TAF15: variants seen among roughly 807,000 people sequenced by gnomAD.
TAF15 encodes the protein TATA-box binding protein associated factor 15.
A neutral mutation model predicts 102.5 loss-of-function variants in TAF15; 37 were observed. The ratio of observed to expected loss-of-function variants is 0.36; its 90% CI spans 0.28 to 0.47. The LOEUF (loss-of-function observed/expected upper bound fraction) is 0.47, where lower values mean the gene tolerates loss of function less well. Ranked by LOEUF, TAF15 falls within the 20% of genes least tolerant of loss-of-function variation. TAF15 has a pLI of 0.99. For synonymous variants in TAF15, 273 were observed against 259.2 expected (o/e 1.05, Z -0.51); for missense variants, 652 against 760.7 (o/e 0.86, Z 1.68).
intron 9 of TAF15, 139 bp downstream of exon 9, chr17:35,834,737 TTTC>T: frequency 3.0e-5 from 17 of 566,436 alleles, no homozygotes; most frequent in Admixed American, 6.8e-5. Flanking sequence ...GGGAGCTTTA[TTTC>T]TTTTTTTTTT....
intron 1 of TAF15, chr17:35,817,437 G>A: frequency 2.4e-6 from 1 of 422,190 alleles, no homozygotes; most frequent in South Asian, 2.8e-5. Flanking sequence ...TTAAGGTCTT[G>A]AGTCTGTTTA....
intron 1 of TAF15, among the ~76,000 whole-genome samples, chr17:35,814,235 G>A (rs965602740): frequency 3.9e-4 from 59 of 151,454 alleles, no homozygotes; most frequent in African/African-American, 1.3e-3. Flanking sequence ...GCGCAATCTC[G>A]GCTCACTGCA....
At chr17:35,836,401 A>T (rs2087475592) in intron 10 of TAF15, among the ~76,000 whole-genome samples, 160 bp downstream of exon 10, 1 of 152,184 alleles carries the variant, frequency 6.6e-6, no homozygotes, top group South Asian at 2.1e-4. Flanking sequence ...AATTTGTTGA[A>T]TATATGAAGA....
chr17:35,843,977 C>G, intron 12 of TAF15, 100 bp from the exon 13 acceptor site: 1 of 1,036,326 alleles, frequency 9.6e-7, no homozygotes, highest in South Asian at 1.3e-5. Context: ...AGAGTGCTGC[C>G]TAAGTATTGA....
chr17:35,812,214 A>G (rs11868785), intron 1 of TAF15, among the ~76,000 whole-genome samples: 24,535 of 152,234 alleles, frequency 0.16, 2,221 homozygotes, highest in East Asian at 0.35. Flanking sequence ...TGACAAGGTA[A>G]CATGGACGTT....
chr17:35,826,115 C>A (rs879301929), intron 7 of TAF15, among the ~76,000 whole-genome samples: 1 of 152,168 alleles, frequency 6.6e-6, no homozygotes, highest in South Asian at 2.1e-4. Context: ...TTGCAACATA[C>A]TTCATATAAT....
chr17:35,831,134 G>A (rs2087399762), intron 7 of TAF15, among the ~76,000 whole-genome samples: 1 of 152,174 alleles, frequency 6.6e-6, no homozygotes, highest in Non-Finnish European at 1.5e-5. Context: ...CGGGCGCAGT[G>A]ACTCATGCCT....
Position 35,845,157 on chromosome 17 carries a change from T to C in TAF15, c.1739+119T>C, listed in dbSNP as rs920637700. 14 of 1,279,576 alleles carry C rather than the reference T, an allele frequency of 1.1e-5. No homozygotes were observed. The African/African-American group carries it at 2.1e-4, about 19-fold the overall frequency. 79.3% of individuals were successfully genotyped at this position (1,279,576 alleles called of 1,614,324 possible). A position where few individuals can be genotyped will look rare whatever the true frequency, so the allele number is the denominator to read the frequency against. Reference sequence around the variant, plus strand: ...TTTCCCATTGCCAGTTCTCTCAGGATGGAGAAGATGATTTAGTTTCCTGCT... The same window carrying C: ...TTTCCCATTGCCAGTTCTCTCAGGACGGAGAAGATGATTTAGTTTCCTGCT... On this transcript the variant is annotated intron_variant, in intron 15 of 15. Coordinates refer to ENST00000605844, the MANE Select transcript of TAF15 (RefSeq NM_139215.3).
intron 1 of TAF15, among the ~76,000 whole-genome samples, chr17:35,812,363 G>A (rs892200797): frequency 7.2e-5 from 11 of 152,040 alleles, no homozygotes; most frequent in African/African-American, 2.4e-4. Context: ...TTGGGAGGCC[G>A]AGGCGGGTGG....
chr17:35,827,352 A>AT (rs1568260256), intron 7 of TAF15, among the ~76,000 whole-genome samples: 1 of 151,340 alleles, frequency 6.6e-6, no homozygotes, highest in Non-Finnish European at 1.5e-5. Flanking sequence ...AAAAAAAAAA[A>AT]TAGTTCTTTT....
intron 5 of TAF15, among the ~76,000 whole-genome samples, chr17:35,822,149 C>T (rs181374224): frequency 6.6e-6 from 1 of 151,996 alleles, no homozygotes; most frequent in Middle Eastern, 3.4e-3. Context: ...AAAGACCAGC[C>T]TGACCAACAT....
intron 15 of TAF15, 27 bp downstream of exon 15, chr17:35,845,065 C>CT (rs773606225): frequency 1.9e-6 from 3 of 1,613,108 alleles, no homozygotes; most frequent in Non-Finnish European, 2.5e-6. Context: ...GTTTATTAAC[C>CT]TTTTTACCTC....
Position 35,846,673 on chromosome 17 carries a change from T to C in TAF15, c.1740-233T>C, listed in dbSNP as rs551564391. Among the ~76,000 whole-genome samples the C allele has an allele frequency of 3.3e-5, 5 of 152,294 alleles. No homozygotes were observed. The South Asian group carries it at 1.0e-3, about 32-fold the overall frequency. ...AATATTTGTGGTTTGGAGTTTTAAG[T>C]GGAAAATTTTTAAGAGAGTGAAGCA... is the stretch of plus-strand genomic sequence containing the variant. On this transcript the variant is annotated intron_variant, in intron 15 of 15. Transcript: ENST00000605844.
Position 35,809,490 on chromosome 17 carries a change from G to T in TAF15, c.-80G>T. 1.3e-6 allele frequency: 2 copies of T among 1,597,786 alleles called. No homozygotes were observed. Among genetic ancestry groups the T allele is most frequent in the Non-Finnish European group, 1.7e-6 (2 of 1,171,376 alleles). On this transcript the variant is annotated 5_prime_UTR_variant, in exon 1 of 16. Coordinates refer to ENST00000605844, the MANE Select transcript of TAF15 (RefSeq NM_139215.3). Reference sequence around the variant, plus strand: ...AGCCCGCCGCGCCGCCCTCAGTACAGCTCCGGCCGCCGCGCCGCCTGGCTT... The same window carrying T: ...AGCCCGCCGCGCCGCCCTCAGTACATCTCCGGCCGCCGCGCCGCCTGGCTT...
chr17:35,838,875 A>G lies in TAF15; in HGVS notation c.913+322A>G, dbSNP rs1002813566. Among the ~76,000 whole-genome samples the G allele has an allele frequency of 3.9e-5, 6 of 152,206 alleles. No homozygotes were observed. The East Asian group carries it at 9.6e-4, about 24-fold the overall frequency. ...AGAGATGGCATTTTGTTACATGGAT[A>G]TATTGCATAGTGGTAAAGTCTGGGG... On this transcript the variant is annotated intron_variant, in intron 11 of 15. Coordinates refer to ENST00000605844, the MANE Select transcript of TAF15 (RefSeq NM_139215.3).
In TAF15 at chr17:35,844,513, A is replaced by G. The variant is rs1568282291; in HGVS notation, c.1214A>G (p.Tyr405Cys). 5 of 1,611,692 alleles carry G rather than the reference A, an allele frequency of 3.1e-6. No individual in the cohort carries two copies. Among genetic ancestry groups the G allele is most frequent in the African/African-American group, 1.3e-5 (1 of 74,790 alleles). ...AGAGGCTACGGTGGAGAGAGGGGCT[A>G]CAGAGGTCGTGGGGGCAGAGGTGGA... is the stretch of plus-strand genomic sequence containing the variant. Reference protein sequence around the residue: ...RGRGYGGERGYRGRGGRGGDR... With the variant: ...RGRGYGGERGCRGRGGRGGDR... Residue 405 changes from tyrosine (Y) to cysteine (C), a missense_variant, in exon 15 of 16, where the codon TAC becomes TGC. Physicochemically the swap from Tyr to Cys is radical, Grantham distance 194. This residue lies in a region of TAF15 where 368 missense variants were observed against 367.5 expected (regional missense o/e 1.00). Coordinates refer to ENST00000605844, the MANE Select transcript of TAF15 (RefSeq NM_139215.3).
rs1348364823 is a variant in TAF15 at position 35,844,662 on chromosome 17, T to A, written c.1363T>A (p.Tyr455Asn). Residue 455 changes from tyrosine to asparagine, a missense_variant, in exon 15 of 16, where the codon TAT becomes AAT. Tyr to Asn is a moderately radical substitution (Grantham distance 143). Coordinates refer to ENST00000605844, the MANE Select transcript of TAF15 (RefSeq NM_139215.3). ...TGGTGGAGACAGAAGTGGGGGTGGC[T>A]ATGGTGGGGACAGAGGCGGCGGCTA... Reference protein sequence around the residue: ...GYGGDRSGGGYGGDRGGGYGG... With the variant: ...GYGGDRSGGGNGGDRGGGYGG... The A allele has an allele frequency of 6.3e-7, 1 of 1,583,738 alleles. No individual in the cohort carries two copies. The highest frequency in any genetic ancestry group is 8.6e-7 in the Non-Finnish European group (1 of 1,167,540).
Position 35,820,426 on chromosome 17 carries a change from A to G in TAF15, c.279A>G (p.Glu93=), listed in dbSNP as rs751215573. The change falls in exon 5 of 16, where the codon GAA becomes GAG. Residue 93 remains glutamate (E), a synonymous_variant. Coordinates refer to ENST00000605844, the MANE Select transcript of TAF15 (RefSeq NM_139215.3). ...ACCAGGGACAGCAGCAAAACATGGA[A>G]TCATCAGGAAGGTAAGGAAATAGTA... The part of the protein sequence containing the change: ...YNNQGQQQNM[E]SSGSQGGRAP... 3 of 1,613,840 alleles carry G rather than the reference A, an allele frequency of 1.9e-6. No homozygotes were observed. The highest frequency in any genetic ancestry group is 3.3e-5 in the Admixed American group (2 of 60,016).
chr17:35,841,478 C>CTT, intron 11 of TAF15, among the ~76,000 whole-genome samples: 1 of 145,496 alleles, frequency 6.9e-6, no homozygotes, highest in African/African-American at 2.5e-5. Context: ...GCACCTGACT[C>CTT]TTTTTTTTTT....
Sources: gnomAD v4.1 joint callset for allele counts (sites outside exome capture counted in the v4.1 genomes callset) on GRCh38, gnomAD v4.1.1 for gene constraint, gnomAD v4.1.1 regional missense constraint, MANE v1.5 for transcripts, NCBI Gene and HGNC (gene_info 2026-07-23, HGNC 2026-07-21) for gene names.